Variants in TAFA5 observed in about 807,000 individuals in gnomAD.
The protein encoded by TAFA5 is TAFA chemokine like family member 5.
Under a neutral mutation model 15.3 loss-of-function variants are expected in TAFA5, and 6 were observed. The ratio of observed to expected loss-of-function variants is 0.39; its 90% CI spans 0.21 to 0.77. The LOEUF is 0.77. Among genes scored for constraint, TAFA5 ranks in the 30% least tolerant of loss-of-function variants. The pLI, the probability that TAFA5 is intolerant of heterozygous loss-of-function variation, is 0.41. For missense variants in TAFA5, 161 were observed against 193.1 expected (o/e 0.83, Z 0.98); for synonymous variants, 103 against 80.7 (o/e 1.28, Z -1.48).
intron 1 of TAFA5, among the ~76,000 whole-genome samples, chr22:48,565,406 C>T (rs1923376249): frequency 6.6e-6 from 1 of 152,206 alleles, no homozygotes; most frequent in African/African-American, 2.4e-5. Flanking sequence ...GGTGATGCTC[C>T]TGTTTTAGTT....
At chr22:48,718,683 C>A (rs367569966) in intron 3 of TAFA5, among the ~76,000 whole-genome samples, 2 of 152,204 alleles carry the variant, frequency 1.3e-5, no homozygotes, top group African/African-American at 4.8e-5. Context: ...TCCCCCGGCC[C>A]CGTGAGGTCA....
chr22:48,714,434 G>A (rs185394369), intron 3 of TAFA5, among the ~76,000 whole-genome samples: 131 of 152,260 alleles, frequency 8.6e-4, no homozygotes, highest in African/African-American at 3.0e-3. Context: ...GTAGAGGTGG[G>A]CCCAGTTGAC....
At chr22:48,705,785 A>G (rs916400397) in intron 2 of TAFA5, among the ~76,000 whole-genome samples, 5 of 152,248 alleles carry the variant, frequency 3.3e-5, no homozygotes, top group Admixed American at 1.3e-4. Context: ...GTTAGCACAC[A>G]TGTGTGCACA....
At chr22:48,678,454 C>T (rs1196322967) in intron 2 of TAFA5, among the ~76,000 whole-genome samples, 1 of 152,190 alleles carries the variant, frequency 6.6e-6, no homozygotes, top group Non-Finnish European at 1.5e-5. Flanking sequence ...GGTCGGGCAC[C>T]AGGCGAGAAT....
intron 1 of TAFA5, among the ~76,000 whole-genome samples, chr22:48,594,474 G>T (rs1178491981): frequency 6.6e-6 from 1 of 152,248 alleles, no homozygotes; most frequent in Non-Finnish European, 1.5e-5. Context: ...GGAAGATGGG[G>T]CTGGGATAGG....
chr22:48,610,340 C>T (rs1925353646), intron 1 of TAFA5, among the ~76,000 whole-genome samples: 1 of 152,258 alleles, frequency 6.6e-6, no homozygotes, highest in African/African-American at 2.4e-5. Flanking sequence ...GGGTGTCCAG[C>T]CTCACCTGTG....
At chr22:48,606,306 C>T (rs1411485593) in intron 1 of TAFA5, among the ~76,000 whole-genome samples, 2 of 152,166 alleles carry the variant, frequency 1.3e-5, no homozygotes, top group African/African-American at 4.8e-5. Flanking sequence ...TCGGAGACAG[C>T]GTGCACTCCA....
At position 48,751,178 on chromosome 22, in the gene TAFA5, C is replaced by T. The variant is rs557162058; in HGVS notation, c.*1331C>T. The T allele has an allele frequency of 6.6e-6, 1 of 152,520 alleles. No homozygotes were observed. The highest frequency in any genetic ancestry group is 2.1e-4 in the South Asian group (1 of 4,830). 9.4% of individuals were successfully genotyped at this position (152,520 alleles called of 1,614,324 possible). On this transcript the variant is annotated 3_prime_UTR_variant, in exon 4 of 4. Transcript: ENST00000402357. The stretch of plus-strand genomic sequence containing the variant: ...TACAATATCTTGAACATGCTTCTTC[C>T]AATGGGTTTTGTTTCCCATTTCCTG...
intron 1 of TAFA5, among the ~76,000 whole-genome samples, chr22:48,605,084 G>A (rs1357987006): frequency 6.7e-6 from 1 of 150,364 alleles, no homozygotes; most frequent in African/African-American, 2.5e-5. Context: ...TGCTAGTGAT[G>A]GTGATGATGC....
At chr22:48,646,521 G>T (rs1471573504) in intron 1 of TAFA5, 76 bp from the exon 2 acceptor site, 2 of 1,546,316 alleles carry the variant, frequency 1.3e-6, no homozygotes, top group South Asian at 2.5e-5. Flanking sequence ...CCCTCTGTGG[G>T]TGGGCTCTGG....
At chr22:48,525,018 C>T (rs1471412221) in intron 1 of TAFA5, among the ~76,000 whole-genome samples, 1 of 152,146 alleles carries the variant, frequency 6.6e-6, no homozygotes, top group Non-Finnish European at 1.5e-5. Context: ...CTCCGCCCTG[C>T]CCTCAGCTTT....
intron 1 of TAFA5, among the ~76,000 whole-genome samples, chr22:48,542,344 G>GTGGT: frequency 7.6e-6 from 1 of 132,294 alleles, no homozygotes; most frequent in African/African-American, 2.9e-5. Flanking sequence ...GTGTGTGTGT[G>GTGGT]GTGTGTGTGC....
At chr22:48,564,997 C>T (rs988824157) in intron 1 of TAFA5, among the ~76,000 whole-genome samples, 9 of 152,248 alleles carry the variant, frequency 5.9e-5, no homozygotes, top group African/African-American at 1.9e-4. Flanking sequence ...TTAAAATGCA[C>T]GGCCCCACAC....
Position 48,530,891 on chromosome 22 carries a change from C to T in TAFA5, c.112+41187C>T, listed in dbSNP as rs1259773003. 9.9e-5 allele frequency among the ~76,000 whole-genome samples: 15 copies of T among 152,140 alleles called. No homozygotes were observed. Among genetic ancestry groups the T allele is most frequent in the African/African-American group, 3.6e-4 (15 of 41,448 alleles). ...TCCCTCGGGTTCCAAATGAAAGTGG[C>T]TGAGATGTCACAGTGACATGACAGA... On this transcript the variant is annotated intron_variant, in intron 1 of 3. Transcript: ENST00000402357. This position sits in a 1 kb window ranked among gnomAD's most constrained non-coding sequence, Gnocchi z 6.0.
At chr22:48,687,376 A>G (rs990968006) in intron 2 of TAFA5, among the ~76,000 whole-genome samples, 1 of 139,472 alleles carries the variant, frequency 7.2e-6, no homozygotes, top group African/African-American at 2.6e-5. Flanking sequence ...TGGATGATGC[A>G]TGGATGGTAA....
At chr22:48,670,287 C>G (rs1410197841) in intron 2 of TAFA5, among the ~76,000 whole-genome samples, 1 of 152,250 alleles carries the variant, frequency 6.6e-6, no homozygotes, top group Non-Finnish European at 1.5e-5. Flanking sequence ...ATTCCTTTAT[C>G]TAGGCCACGA....
chr22:48,702,289 T>C (rs1266337379), intron 2 of TAFA5, among the ~76,000 whole-genome samples: 1 of 152,048 alleles, frequency 6.6e-6, no homozygotes, highest in African/African-American at 2.4e-5. Flanking sequence ...GAGAAGTGTT[T>C]CCAGGCAGAG....
At chr22:48,606,445 A>G (rs1454762548) in intron 1 of TAFA5, among the ~76,000 whole-genome samples, 1 of 152,238 alleles carries the variant, frequency 6.6e-6, no homozygotes, top group Non-Finnish European at 1.5e-5. Context: ...GTGTTGCTGT[A>G]GGTATTTGTC....
intron 3 of TAFA5, among the ~76,000 whole-genome samples, chr22:48,741,576 GAGA>G (rs1354406684): frequency 1.3e-5 from 2 of 152,186 alleles, no homozygotes; most frequent in African/African-American, 4.8e-5. Flanking sequence ...CCTTAAAGGA[GAGA>G]AGCTTAAGTG....
Sources: allele counts gnomAD v4.1 joint callset (sites outside exome capture counted in the v4.1 genomes callset), GRCh38; gene constraint gnomAD v4.1.1; non-coding constraint Gnocchi (gnomAD v3.1); transcripts MANE v1.5; gene names NCBI Gene and HGNC (gene_info 2026-07-23, HGNC 2026-07-21).